IGF1R: variants seen among roughly 807,000 people sequenced by gnomAD.
IGF1R encodes the protein insulin-like growth factor 1 receptor.
Under a neutral mutation model 144.6 loss-of-function variants are expected in IGF1R, and 44 were observed. The ratio of observed to expected loss-of-function variants is 0.30; its 90% CI spans 0.24 to 0.39. The LOEUF is 0.39. IGF1R is among the 10% of genes least tolerant of loss of function. The pLI is 1.00. For missense variants in IGF1R, 1,355 were observed against 1,833.7 expected, an observed-to-expected ratio of 0.74 and a Z score of 4.77; for synonymous variants, 795 against 722.8, an observed-to-expected ratio of 1.10 and a Z score of -1.60.
chr15:98,707,455 T>G lies in IGF1R; in HGVS notation c.95-107T>G. On this transcript the variant is annotated intron_variant, in intron 1 of 20. Coordinates refer to ENST00000650285, the MANE Select transcript of IGF1R (RefSeq NM_000875.5). The surrounding 1 kb of genome is among the most constrained non-coding windows in gnomAD (Gnocchi z 6.7). ...CAGTGAACAATTGAACCTCATTTCT[T>G]TAATAATAATACAGGATTCCTGAAA... 1 of 1,161,590 alleles carries G rather than the reference T, an allele frequency of 8.6e-7. No homozygotes were observed. The highest frequency in any genetic ancestry group is 1.3e-6 in the Non-Finnish European group (1 of 795,448). The allele number at this position is 1,161,590 out of a possible 1,614,324, so 72.0% of individuals were successfully genotyped here.
intron 1 of IGF1R, among the ~76,000 whole-genome samples, chr15:98,673,267 A>T (rs1455223399): frequency 1.3e-5 from 2 of 152,174 alleles, no homozygotes; most frequent in Non-Finnish European, 2.9e-5. Flanking sequence ...TCATTACACT[A>T]TTTGGTTAAT....
chr15:98,821,149 G>C (rs2056794171), intron 2 of IGF1R, among the ~76,000 whole-genome samples: 1 of 152,178 alleles, frequency 6.6e-6, no homozygotes, highest in Non-Finnish European at 1.5e-5. Flanking sequence ...AAATCAAGGA[G>C]AACTCAGGCG....
At chr15:98,860,992 T>A (rs534598945) in intron 2 of IGF1R, among the ~76,000 whole-genome samples, 1 of 152,318 alleles carries the variant, frequency 6.6e-6, no homozygotes, top group South Asian at 2.1e-4. Context: ...GTGTGATAAA[T>A]TTATTCCTTT....
intron 2 of IGF1R, among the ~76,000 whole-genome samples, chr15:98,852,685 G>GCAGAGTGC (rs1300321074): frequency 6.6e-6 from 1 of 152,218 alleles, no homozygotes; most frequent in Non-Finnish European, 1.5e-5. Flanking sequence ...CGGGCCGAGC[G>GCAGAGTGC]CAGAGTGCAG....
intron 1 of IGF1R, among the ~76,000 whole-genome samples, chr15:98,649,882 C>T (rs1484646700): frequency 6.6e-6 from 1 of 152,148 alleles, no homozygotes; most frequent in Admixed American, 6.5e-5. Context: ...CCCGCGGGCC[C>T]TGGCTCCGCG....
At chr15:98,792,935 G>A (rs1195487068) in intron 2 of IGF1R, among the ~76,000 whole-genome samples, 3 of 152,168 alleles carry the variant, frequency 2.0e-5, no homozygotes, top group African/African-American at 4.8e-5. Context: ...CTGTAAACGC[G>A]TGTAGCTTTG....
chr15:98,696,464 A>T (rs1375252326), intron 1 of IGF1R, among the ~76,000 whole-genome samples: 1 of 152,240 alleles, frequency 6.6e-6, no homozygotes, highest in African/African-American at 2.4e-5. Flanking sequence ...GTCAACAAAG[A>T]GATCTTAGCA....
intron 11 of IGF1R, 118 bp downstream of exon 11, chr15:98,922,549 T>C (rs1257933086): frequency 2.3e-5 from 29 of 1,248,296 alleles, no homozygotes; most frequent in Non-Finnish European, 1.0e-5. Flanking sequence ...CAGGCCTGCC[T>C]GCTAAATAAC....
At chr15:98,839,396 C>T (rs1403542553) in intron 2 of IGF1R, among the ~76,000 whole-genome samples, 1 of 152,190 alleles carries the variant, frequency 6.6e-6, no homozygotes. Context: ...CCTACCACCA[C>T]CATCACCACC....
In IGF1R at chr15:98,773,782, T is replaced by C. The variant is rs111616987; in HGVS notation, c.640+65675T>C. On this transcript the variant is annotated intron_variant, in intron 2 of 20. Coordinates refer to ENST00000650285, the MANE Select transcript of IGF1R (RefSeq NM_000875.5). ...GTTTGGTGGCTCTGGGAAGCAGTGC[T>C]CTCTCTGAGTGTGAATAAGGATCCA... Among the ~76,000 whole-genome samples the C allele has an allele frequency of 2.0e-5, 3 of 152,190 alleles. 1 individual carries two copies. The highest frequency in any genetic ancestry group is 7.2e-5 in the African/African-American group (3 of 41,510).
At chr15:98,846,227 A>G (rs1282558637) in intron 2 of IGF1R, among the ~76,000 whole-genome samples, 1 of 152,206 alleles carries the variant, frequency 6.6e-6, no homozygotes, top group Non-Finnish European at 1.5e-5. Context: ...AGACTCCTAC[A>G]TAAGCTGACA....
intron 1 of IGF1R, among the ~76,000 whole-genome samples, chr15:98,695,675 A>C (rs1567080422): frequency 6.6e-6 from 1 of 152,184 alleles, no homozygotes; most frequent in Non-Finnish European, 1.5e-5. Context: ...CTCCACAGGA[A>C]TCTTCATTAC....
At chr15:98,708,551 C>G (rs749197062) in intron 2 of IGF1R, among the ~76,000 whole-genome samples, 16 of 152,144 alleles carry the variant, frequency 1.1e-4, no homozygotes, top group Non-Finnish European at 1.8e-4. Flanking sequence ...GCAGGACTTC[C>G]TTAGTTTGAA....
intron 2 of IGF1R, among the ~76,000 whole-genome samples, chr15:98,753,303 ACCT>A (rs1425529578): frequency 8.3e-5 from 11 of 132,578 alleles, no homozygotes; most frequent in Non-Finnish European, 3.1e-5. Context: ...TGCAGCCTTG[ACCT>A]CCTCTGCTCA....
At chr15:98,919,811 A>G (rs1466537893) in intron 10 of IGF1R, among the ~76,000 whole-genome samples, 2 of 152,254 alleles carry the variant, frequency 1.3e-5, no homozygotes, top group Non-Finnish European at 2.9e-5. Context: ...AGTGTCCAGC[A>G]GAGAGAATGA....
At chr15:98,691,391 G>T (rs185866209) in intron 1 of IGF1R, among the ~76,000 whole-genome samples, 12 of 146,330 alleles carry the variant, frequency 8.2e-5, no homozygotes, top group Non-Finnish European at 1.8e-4. Flanking sequence ...TTGAGACAGA[G>T]TCTCACTCGT....
chr15:98,850,929 C>T (rs932424198), intron 2 of IGF1R, among the ~76,000 whole-genome samples: 1 of 152,150 alleles, frequency 6.6e-6, no homozygotes, highest in Non-Finnish European at 1.5e-5. Context: ...TAGAATATAA[C>T]ACCTTGCCCT....
At chr15:98,716,308 GTC>G (rs997839845) in intron 2 of IGF1R, among the ~76,000 whole-genome samples, 1 of 151,882 alleles carries the variant, frequency 6.6e-6, no homozygotes, top group Non-Finnish European at 1.5e-5. Context: ...GTGTTGCTTG[GTC>G]TCTCTCTCTG....
chr15:98,863,032 G>A (rs1328550720), intron 2 of IGF1R, among the ~76,000 whole-genome samples: 1 of 152,196 alleles, frequency 6.6e-6, no homozygotes, highest in Admixed American at 6.5e-5. Flanking sequence ...AGATCCAAGA[G>A]ACGATCCTAC....
Sources: gnomAD v4.1 joint callset for allele counts (sites outside exome capture counted in the v4.1 genomes callset) on GRCh38, gnomAD v4.1.1 for gene constraint, Gnocchi (gnomAD v3.1) non-coding constraint, MANE v1.5 for transcripts, NCBI Gene and HGNC (gene_info 2026-07-23, HGNC 2026-07-21) for gene names.